The following KAZN variants were observed in gnomAD, a reference collection of about 807,000 sequenced individuals.
KAZN encodes the protein kazrin, periplakin interacting protein, also known as kazrin.
A neutral mutation model predicts 87.4 loss-of-function variants in KAZN; 40 were observed. The ratio of observed to expected loss-of-function variants is 0.46; its 90% CI spans 0.36 to 0.60. KAZN has a LOEUF of 0.60. KAZN is among the 20% of genes least tolerant of loss of function. The pLI, the probability that KAZN is intolerant of heterozygous loss-of-function variation, is 0.00. For missense variants in KAZN, 898 were observed against 1,073.9 expected (o/e 0.84, Z 2.29); for synonymous variants, 466 against 458.3 (o/e 1.02, Z -0.22).
chr1:14,810,268 G>A (rs1474197813), intron 1 of KAZN, among the ~76,000 whole-genome samples: 7 of 152,094 alleles, frequency 4.6e-5, no homozygotes, highest in Non-Finnish European at 7.4e-5. Flanking sequence ...AGGGAGCACC[G>A]CACCCCCATC....
At chr1:14,855,417 C>T (rs1202935096) in intron 1 of KAZN, among the ~76,000 whole-genome samples, 1 of 152,154 alleles carries the variant, frequency 6.6e-6, no homozygotes, top group Admixed American at 6.5e-5. Context: ...CCAACACCAC[C>T]CCACCAACAC....
At chr1:14,906,198 AATAATAATAATAATAAT>A (rs1656566678) in intron 1 of KAZN, among the ~76,000 whole-genome samples, 2 of 48,062 alleles carry the variant, frequency 4.2e-5, no homozygotes, top group Non-Finnish European at 1.3e-4. Flanking sequence ...TAATAATAAT[AATAATAATAATAATAAT>A]AATACAGCAC....
intron 13 of KAZN, among the ~76,000 whole-genome samples, chr1:15,107,234 G>C (rs1389285802): frequency 1.3e-5 from 2 of 152,160 alleles, no homozygotes; most frequent in African/African-American, 2.4e-5. Flanking sequence ...CTGCCTTCAC[G>C]AAGCTTACAG....
chr1:14,501,831 T>C (rs944447367), intron 2 of KAZN, among the ~76,000 whole-genome samples: 2 of 152,208 alleles, frequency 1.3e-5, no homozygotes, highest in East Asian at 1.9e-4. Context: ...TGCTACAACA[T>C]GGGTGCACCT....
chr1:15,037,174 A>G (rs1322026319), intron 3 of KAZN, among the ~76,000 whole-genome samples: 2 of 152,040 alleles, frequency 1.3e-5, no homozygotes, highest in African/African-American at 4.8e-5. Flanking sequence ...AGGCAGGGAG[A>G]GCCTCTGCCT....
At chr1:14,343,894 G>A (rs958068161) in intron 2 of KAZN, among the ~76,000 whole-genome samples, 1 of 152,008 alleles carries the variant, frequency 6.6e-6, no homozygotes, top group African/African-American at 2.4e-5. Flanking sequence ...GTAAAGAATT[G>A]GGTCCCCATT....
intron 2 of KAZN, among the ~76,000 whole-genome samples, chr1:14,437,113 A>G (rs909366684): frequency 6.6e-6 from 1 of 152,168 alleles, no homozygotes; most frequent in African/African-American, 2.4e-5. Context: ...AGTTCCCTTG[A>G]TGTGTCCCAG....
intron 1 of KAZN, among the ~76,000 whole-genome samples, chr1:14,932,941 C>T (rs573420475): frequency 6.6e-6 from 1 of 152,254 alleles, no homozygotes; most frequent in South Asian, 2.1e-4. Context: ...TTCATCACCC[C>T]AAACAGAAAC....
At position 14,530,621 on chromosome 1, in the gene KAZN, C is replaced by CCT. The variant is rs141114968; in HGVS notation, c.250-68348_250-68347dup. Among the ~76,000 whole-genome samples the CCT allele has an allele frequency of 1.0e-4, 15 of 150,568 alleles. No individual in the cohort carries two copies. In the East Asian group the frequency reaches 1.2e-3, roughly 12 times the overall value. On this transcript the variant is annotated intron_variant, in intron 2 of 16. Transcript: ENST00000636203. ...TTGTTTAAAGAGCCTGGCACCTCCT[C>CCT]CTCTCTCTCTCTCTCGCTCCCTTTC... is the stretch of plus-strand genomic sequence containing the variant.
chr1:14,635,882 G>C (rs1351504116), intron 1 of KAZN, among the ~76,000 whole-genome samples: 1 of 152,190 alleles, frequency 6.6e-6, no homozygotes, highest in African/African-American at 2.4e-5. Context: ...CAGAAACCCT[G>C]AATTCCATGC....
intron 2 of KAZN, among the ~76,000 whole-genome samples, chr1:14,387,344 T>G (rs550103587): frequency 2.6e-5 from 4 of 152,184 alleles, no homozygotes; most frequent in Non-Finnish European, 5.9e-5. Context: ...AGCTTTGTTC[T>G]GTTGCTGGTG....
intron 2 of KAZN, among the ~76,000 whole-genome samples, chr1:14,379,169 A>T (rs1292573396): frequency 7.3e-5 from 11 of 151,152 alleles, no homozygotes. Context: ...GAAAGGAAGG[A>T]TGCAGTCCTC....
intron 2 of KAZN, among the ~76,000 whole-genome samples, chr1:14,205,884 C>CAAAAAAAAAAAAACAAAAAA (rs1646730349): frequency 2.8e-5 from 1 of 35,220 alleles, no homozygotes; most frequent in African/African-American, 1.4e-4. Flanking sequence ...GACACTGTCT[C>CAAAAAAAAAAAAACAAAAAA]AAAAAAAAAA....
chr1:15,026,513 G>A (rs752714495), intron 2 of KAZN, among the ~76,000 whole-genome samples: 1 of 152,082 alleles, frequency 6.6e-6, no homozygotes, highest in Non-Finnish European at 1.5e-5. Context: ...TTAGAGCGGG[G>A]GAAAAAAGCA....
chr1:14,341,413 G>C (rs1657716946), intron 2 of KAZN, among the ~76,000 whole-genome samples: 1 of 152,080 alleles, frequency 6.6e-6, no homozygotes, highest in African/African-American at 2.4e-5. Context: ...CTGGGCTCAG[G>C]GTGCTGCAGT....
rs1195124526 is a variant in KAZN at position 14,298,576 on chromosome 1, C to T, written c.249+117984C>T. Among the ~76,000 whole-genome samples, 3 of 152,146 alleles carry T rather than the reference C, an allele frequency of 2.0e-5. No individual in the cohort carries two copies. The South Asian group carries it at 6.2e-4, about 31-fold the overall frequency. ...ATATCTCTGCATGTTCTCCATTTCT[C>T]TTAGTTTTCATTTAATTACTTCAGG... On this transcript the variant is annotated intron_variant, in intron 2 of 16. Transcript: ENST00000636203.
At chr1:14,175,001 A>G (rs1402688044) in intron 1 of KAZN, among the ~76,000 whole-genome samples, 1 of 152,210 alleles carries the variant, frequency 6.6e-6, no homozygotes, top group East Asian at 1.9e-4. Flanking sequence ...GAAGGCAGGA[A>G]GAATGTTTCT....
chr1:14,342,896 T>G (rs1657839296), intron 2 of KAZN, among the ~76,000 whole-genome samples: 1 of 152,078 alleles, frequency 6.6e-6, no homozygotes, highest in Non-Finnish European at 1.5e-5. Flanking sequence ...ATCCCAGCAT[T>G]TTGGGCGGCT....
chr1:14,584,073 C>G (rs1468155669), intron 2 of KAZN, among the ~76,000 whole-genome samples: 1 of 152,140 alleles, frequency 6.6e-6, no homozygotes, highest in Non-Finnish European at 1.5e-5. Context: ...CCTGGTCTGC[C>G]CAGGATTCCT....
Sources: gnomAD v4.1 joint callset for allele counts (sites outside exome capture counted in the v4.1 genomes callset) on GRCh38, gnomAD v4.1.1 for gene constraint, MANE v1.5 for transcripts, NCBI Gene and HGNC (gene_info 2026-07-23, HGNC 2026-07-21) for gene names.